The following GRM7 variants were observed in gnomAD, a reference collection of about 807,000 sequenced individuals.
The protein encoded by GRM7 is glutamate metabotropic receptor 7, also known as metabotropic glutamate receptor 7.
Under a neutral mutation model 84.5 loss-of-function variants are expected in GRM7, and 35 were observed. That is an observed-to-expected ratio of 0.41 (90% CI 0.32 to 0.55). The LOEUF is 0.55. GRM7 is among the 20% of genes least tolerant of loss of function. The pLI, the probability that GRM7 is intolerant of heterozygous loss-of-function variation, is 0.19. For missense variants in GRM7, 1,003 were observed against 1,194.6 expected (o/e 0.84, Z 2.36); for synonymous variants, 487 against 455.1 (o/e 1.07, Z -0.89).
At chr3:7,502,563 T>A (rs1250968699) in intron 7 of GRM7, among the ~76,000 whole-genome samples, 3 of 152,108 alleles carry the variant, frequency 2.0e-5, no homozygotes, top group East Asian at 1.9e-4. Flanking sequence ...TGGGCAAATG[T>A]TAATTCTCGT....
At chr3:7,341,381 T>G (rs988102620) in intron 4 of GRM7, among the ~76,000 whole-genome samples, 5 of 152,048 alleles carry the variant, frequency 3.3e-5, no homozygotes, top group Admixed American at 1.3e-4. Context: ...ATGTTTTTTT[T>G]TTGTTTATTT....
intron 7 of GRM7, among the ~76,000 whole-genome samples, chr3:7,501,353 G>A (rs1699876896): frequency 6.6e-6 from 1 of 152,160 alleles, no homozygotes; most frequent in Non-Finnish European, 1.5e-5. Flanking sequence ...TGAAATTCTT[G>A]AGGAACACTT....
chr3:7,124,598 C>A (rs544464460), intron 1 of GRM7, among the ~76,000 whole-genome samples: 2 of 152,250 alleles, frequency 1.3e-5, no homozygotes, highest in African/African-American at 2.4e-5. Context: ...ATAAAAGATT[C>A]ATTATTTTGC....
At position 7,276,249 on chromosome 3, in the gene GRM7, G is replaced by GTGTGTA. The variant is rs1336783487; in HGVS notation, c.737-22434_737-22433insGTGTAT. On this transcript the variant is annotated intron_variant, in intron 2 of 9. Transcript: ENST00000357716. ...TGTGTGTGTGTGTGTGTGTGTGTGT[G>GTGTGTA]TATATATAATTGTCCTCTCAATGTA... Among the ~76,000 whole-genome samples, 501 of 143,494 alleles carry GTGTGTA rather than the reference G, an allele frequency of 3.5e-3. 2 individuals are homozygous for GTGTGTA. The highest frequency in any genetic ancestry group is 0.013 in the African/African-American group (484 of 37,646). 94.1% of individuals were successfully genotyped at this position (143,494 alleles called of 152,430 possible).
intron 8 of GRM7, among the ~76,000 whole-genome samples, chr3:7,661,523 G>A (rs887713441): frequency 2.0e-5 from 3 of 151,952 alleles, no homozygotes; most frequent in African/African-American, 4.8e-5. Context: ...GGCCGGGCGC[G>A]GTGGCTCACG....
At chr3:6,912,727 A>G (rs976206219) in intron 1 of GRM7, among the ~76,000 whole-genome samples, 4 of 152,320 alleles carry the variant, frequency 2.6e-5, no homozygotes, top group Non-Finnish European at 5.9e-5. Flanking sequence ...AGAAATTTTT[A>G]TTAATCATAG....
At chr3:7,602,784 G>C (rs1696380062) in intron 8 of GRM7, among the ~76,000 whole-genome samples, 1 of 152,186 alleles carries the variant, frequency 6.6e-6, no homozygotes, top group Admixed American at 6.5e-5. Flanking sequence ...GGAATTCTTT[G>C]AAGCTTGCAA....
At chr3:7,338,135 C>CACA (rs1387162071) in intron 4 of GRM7, among the ~76,000 whole-genome samples, 1 of 151,238 alleles carries the variant, frequency 6.6e-6, no homozygotes, top group Non-Finnish European at 1.5e-5. Flanking sequence ...CACACACACA[C>CACA]ACACACACCC....
intron 7 of GRM7, among the ~76,000 whole-genome samples, chr3:7,547,233 G>A (rs1436306264): frequency 1.7e-5 from 2 of 118,748 alleles, no homozygotes; most frequent in African/African-American, 3.4e-5. Context: ...TTGAGACGGA[G>A]TCTCACTCTG....
rs556379991 is a variant in GRM7 at position 6,930,227 on chromosome 3, T to C, written c.519+68320T>C. On this transcript the variant is annotated intron_variant, in intron 1 of 9. Coordinates refer to ENST00000357716, the MANE Select transcript of GRM7 (RefSeq NM_000844.4). Reference sequence around the variant, plus strand: ...TTAATGTAGTATTAGAGATAATATATGTGAAAAGCCAAGCATAGTACTGAT... The same window carrying C: ...TTAATGTAGTATTAGAGATAATATACGTGAAAAGCCAAGCATAGTACTGAT... Among the ~76,000 whole-genome samples, 5 of 152,288 alleles carry C rather than the reference T, an allele frequency of 3.3e-5. No homozygotes were observed. The East Asian group carries it at 9.6e-4, about 29-fold the overall frequency.
At chr3:7,038,596 T>A (rs1696471613) in intron 1 of GRM7, among the ~76,000 whole-genome samples, 1 of 152,196 alleles carries the variant, frequency 6.6e-6, no homozygotes, top group South Asian at 2.1e-4. Context: ...AAAAGGGTGC[T>A]ACCTACGTGA....
intron 2 of GRM7, among the ~76,000 whole-genome samples, chr3:7,230,310 A>G (rs1697151779): frequency 6.6e-6 from 1 of 152,216 alleles, no homozygotes; most frequent in Admixed American, 6.5e-5. Flanking sequence ...AGTAGGCATC[A>G]TGGATATGCT....
At chr3:7,024,195 C>G (rs144349218) in intron 1 of GRM7, among the ~76,000 whole-genome samples, 1 of 152,226 alleles carries the variant, frequency 6.6e-6, no homozygotes, top group African/African-American at 2.4e-5. Context: ...TACAACAGAC[C>G]TATTTAACTC....
At chr3:7,211,843 T>C (rs1293067130) in intron 2 of GRM7, among the ~76,000 whole-genome samples, 2 of 152,104 alleles carry the variant, frequency 1.3e-5, no homozygotes, top group Non-Finnish European at 2.9e-5. Context: ...CTGCTGCAGC[T>C]GACAGTACCA....
chr3:6,966,655 A>G (rs1407955452), intron 1 of GRM7, among the ~76,000 whole-genome samples: 1 of 152,242 alleles, frequency 6.6e-6, no homozygotes, highest in East Asian at 1.9e-4. Context: ...GAATCAGTGT[A>G]TCTATTAGAA....
At chr3:6,980,858 G>C (rs1694171890) in intron 1 of GRM7, among the ~76,000 whole-genome samples, 1 of 152,194 alleles carries the variant, frequency 6.6e-6, no homozygotes, top group Non-Finnish European at 1.5e-5. Flanking sequence ...TAGAGAAATA[G>C]GAAAAGGCTA....
chr3:7,360,365 G>C (rs1363183251), intron 4 of GRM7, among the ~76,000 whole-genome samples: 1 of 125,750 alleles, frequency 8.0e-6, no homozygotes, highest in Non-Finnish European at 1.7e-5. Context: ...TTAGTAAAAA[G>C]TCATAAAAAC....
chr3:7,519,406 C>T (rs183794215), intron 7 of GRM7, among the ~76,000 whole-genome samples: 1 of 128,430 alleles, frequency 7.8e-6, no homozygotes, highest in East Asian at 2.7e-4. Context: ...TATTTTCATT[C>T]CTGCTGGAAA....
At chr3:6,970,208 T>TCTAAAACTTTC (rs1693692088) in intron 1 of GRM7, among the ~76,000 whole-genome samples, 2 of 78,284 alleles carry the variant, frequency 2.6e-5, no homozygotes, top group Admixed American at 2.6e-4. Context: ...TGAAAACTGC[T>TCTAAAACTTTC]CCAAGACTTT....
Sources: allele counts gnomAD v4.1 joint callset (sites outside exome capture counted in the v4.1 genomes callset), GRCh38; gene constraint gnomAD v4.1.1; transcripts MANE v1.5; gene names NCBI Gene and HGNC (gene_info 2026-07-23, HGNC 2026-07-21).